The following RPS29 variants were observed in gnomAD, a reference collection of about 807,000 sequenced individuals.
RPS29 encodes ribosomal protein S29, also known as small ribosomal subunit protein uS14.
For synonymous variants in RPS29, 37 were observed against 26.9 expected, an observed-to-expected ratio of 1.37 and a Z score of -1.16; for missense variants, 60 against 75.7, an observed-to-expected ratio of 0.79 and a Z score of 0.77.
Position 49,583,643 on chromosome 14 carries a change from G to A in RPS29, c.*24C>T. The A allele has an allele frequency of 1.3e-6, 2 of 1,577,556 alleles. No homozygotes were observed. Among genetic ancestry groups the A allele is most frequent in the South Asian group, 1.2e-5 (1 of 85,096 alleles). On this transcript the variant is annotated 3_prime_UTR_variant, in exon 3 of 3. Coordinates refer to ENST00000245458, the MANE Select transcript of RPS29 (RefSeq NM_001032.5). ...GGTTTTTCATTGAGTAGATGCCCCG[G>A]ATAATCCTCTGAAGGAAGAGCATTT...
intron 2 of RPS29, among the ~76,000 whole-genome samples, chr14:49,584,095 C>T (rs578053260): frequency 5.9e-5 from 9 of 152,334 alleles, no homozygotes; most frequent in Admixed American, 1.3e-4. Flanking sequence ...GATTCTCCCA[C>T]CTCAACCTCC....
At chr14:49,593,121 G>A (rs796342939) in intron 1 of RPS29, among the ~76,000 whole-genome samples, 7 of 152,282 alleles carry the variant, frequency 4.6e-5, no homozygotes, top group African/African-American at 1.7e-4. Flanking sequence ...AACACAAGCC[G>A]TATTAATTGC....
chr14:49,582,965 T>C (rs1237935779), downstream of RPS29, among the ~76,000 whole-genome samples: 3 of 152,236 alleles, frequency 2.0e-5, no homozygotes, highest in Non-Finnish European at 4.4e-5. Context: ...ACAGACCCTG[T>C]ATCTATTCAA....
upstream of RPS29, among the ~76,000 whole-genome samples, chr14:49,590,713 C>T (rs1193364398): frequency 5.5e-5 from 8 of 146,586 alleles, no homozygotes; most frequent in Non-Finnish European, 1.0e-4. Context: ...CTTTTTGAGA[C>T]GGAGTCTCAC....
chr14:49,586,578 C>T (rs1055665845), upstream of RPS29: 6 of 550,692 alleles, frequency 1.1e-5, no homozygotes, highest in African/African-American at 1.9e-5. Context: ...CGGTATCCGA[C>T]CGCCGGGCGC....
chr14:49,577,271 G>GT (rs1376553660), exon 3 of RPS29: 1 of 155,714 alleles, frequency 6.4e-6, no homozygotes, highest in East Asian at 1.9e-4. Context: ...AAATAAAACT[G>GT]TTGGGGGCAT....
chr14:49,581,184 C>CT (rs1191700494), downstream of RPS29, among the ~76,000 whole-genome samples: 2 of 151,524 alleles, frequency 1.3e-5, no homozygotes, highest in African/African-American at 2.4e-5. Context: ...GAGCAAAACT[C>CT]TATCTCAAAA....
chr14:49,582,172 C>A (rs1335346500), downstream of RPS29, among the ~76,000 whole-genome samples: 1 of 152,162 alleles, frequency 6.6e-6, no homozygotes, highest in Non-Finnish European at 1.5e-5. Context: ...GTAGTGCACA[C>A]CTGTTGTCCC....
At chr14:49,586,383 G>C (rs746065898), upstream of RPS29, 7 of 1,579,290 alleles carry the variant, frequency 4.4e-6, no homozygotes, top group African/African-American at 4.0e-5. Flanking sequence ...AAAGGAAGAA[G>C]CTGGCCCACG....
At chr14:49,579,830 T>C (rs1881286357), downstream of RPS29, among the ~76,000 whole-genome samples, 1 of 152,222 alleles carries the variant, frequency 6.6e-6, no homozygotes, top group African/African-American at 2.4e-5. Context: ...TTGTGAATAT[T>C]AAGAGCATAG....
chr14:49,582,336 T>C (rs1881364699), downstream of RPS29, among the ~76,000 whole-genome samples: 1 of 152,216 alleles, frequency 6.6e-6, no homozygotes, highest in East Asian at 1.9e-4. Flanking sequence ...CTACAGACCC[T>C]GGCCAGCTTT....
downstream of RPS29, among the ~76,000 whole-genome samples, chr14:49,583,296 A>C (rs1881397730): frequency 6.6e-6 from 1 of 152,174 alleles, no homozygotes; most frequent in Non-Finnish European, 1.5e-5. Context: ...CATGCCTGTA[A>C]TCCCAGAGCT....
exon 3 of RPS29, chr14:49,575,072 GCT>G (rs1881143995): frequency 6.6e-6 from 1 of 152,552 alleles, no homozygotes; most frequent in Non-Finnish European, 1.5e-5. Flanking sequence ...ACGGAGTCTC[GCT>G]CTGTCGCCCA....
intron 1 of RPS29, among the ~76,000 whole-genome samples, chr14:49,592,850 G>T (rs1566486336): frequency 6.6e-6 from 1 of 151,686 alleles, no homozygotes; most frequent in Non-Finnish European, 1.5e-5. Context: ...GGAGGTTGCA[G>T]TGAGCCGAGA....
Position 49,597,110 on chromosome 14 carries a change from C to CAGAG in RPS29, c.-133+1289_-133+1290insCTCT, listed in dbSNP as rs1288237903. ...TGTATTTTTAGTAGAGACGGGGTTT[C>CAGAG]ACCATGCTGGCCAGGCTGGTCTCCA... On this transcript the variant is annotated intron_variant, in intron 1 of 3. Coordinates refer to the RPS29 transcript ENST00000556230. Among the ~76,000 whole-genome samples the CAGAG allele has an allele frequency of 5.9e-5, 9 of 152,202 alleles. No homozygotes were observed. In the East Asian group the frequency reaches 1.7e-3, roughly 29 times the overall value.
At chr14:49,587,895 C>T (rs113004903), upstream of RPS29, among the ~76,000 whole-genome samples, 1 of 152,158 alleles carries the variant, frequency 6.6e-6, no homozygotes, top group African/African-American at 2.4e-5. Context: ...TGAAAGGAAG[C>T]GCTTGAGCCA....
At chr14:49,578,015 T>C (rs1029921575) in intron 2 of RPS29, among the ~76,000 whole-genome samples, 1 of 152,160 alleles carries the variant, frequency 6.6e-6, no homozygotes, top group East Asian at 1.9e-4. Context: ...TCACTCTAAA[T>C]CATGTTTTAG....
chr14:49,595,921 G>A (rs1413582615), intron 1 of RPS29, among the ~76,000 whole-genome samples: 3 of 151,390 alleles, frequency 2.0e-5, no homozygotes, highest in Non-Finnish European at 4.4e-5. Flanking sequence ...GCTGAGGCAG[G>A]AGAATCGCTT....
At chr14:49,593,612 G>C (rs1377259569) in intron 1 of RPS29, among the ~76,000 whole-genome samples, 4 of 139,172 alleles carry the variant, frequency 2.9e-5, no homozygotes, top group Non-Finnish European at 6.0e-5. Context: ...AGAATCGCTT[G>C]AACCTGGGAA....
Sources: allele counts gnomAD v4.1 joint callset (sites outside exome capture counted in the v4.1 genomes callset), GRCh38; gene constraint gnomAD v4.1.1; transcripts MANE v1.5; gene names NCBI Gene and HGNC (gene_info 2026-07-23, HGNC 2026-07-21).